The following SDR42E2 variants were observed in gnomAD, a reference collection of about 807,000 sequenced individuals.
SDR42E2 encodes the protein putative short-chain dehydrogenase/reductase family 42E member 2.
A neutral mutation model predicts 10.5 loss-of-function variants in SDR42E2; 20 were observed. The observed-to-expected ratio is 1.90, with a 90% CI of 1.34 to 2.77. The LOEUF (loss-of-function observed/expected upper bound fraction) is 2.77. SDR42E2 is among the 30% of genes most tolerant of loss of function. The pLI is 0.00. For missense variants in SDR42E2, 162 were observed against 104.2 expected (o/e 1.55, Z -2.42); for synonymous variants, 72 against 39.2 (o/e 1.84, Z -3.12).
intron 7 of SDR42E2, among the ~76,000 whole-genome samples, chr16:22,173,301 C>G (rs1012418751): frequency 6.6e-6 from 1 of 152,120 alleles, no homozygotes; most frequent in African/African-American, 2.4e-5. Context: ...CTCACTGCAA[C>G]CTCTGCCTCC....
chr16:22,176,088 T>A (rs1045908878), intron 7 of SDR42E2, among the ~76,000 whole-genome samples: 4 of 152,160 alleles, frequency 2.6e-5, no homozygotes, highest in African/African-American at 9.7e-5. Flanking sequence ...AATTAACAAC[T>A]ATTTATTGTG....
intron 12 of SDR42E2, among the ~76,000 whole-genome samples, chr16:22,189,268 G>C (rs1221206501): frequency 1.3e-5 from 2 of 152,180 alleles, no homozygotes; most frequent in African/African-American, 4.8e-5. Flanking sequence ...TTCTTCCCCA[G>C]GGTCCGGCTG....
At chr16:22,166,530 C>T (rs2046541769) in intron 3 of SDR42E2, 96 bp downstream of exon 3, 2 of 402,304 alleles carry the variant, frequency 5.0e-6, no homozygotes, top group South Asian at 1.3e-4. Context: ...TAGGGGCACA[C>T]TGTTTGAAGC....
At chr16:22,163,239 C>T (rs2046510574) in intron 1 of SDR42E2, among the ~76,000 whole-genome samples, 1 of 152,192 alleles carries the variant, frequency 6.6e-6, no homozygotes, top group Non-Finnish European at 1.5e-5. Context: ...GCCTTTGCCA[C>T]AAAAGGCATC....
chr16:22,174,672 CT>C (rs2046629780), intron 7 of SDR42E2, among the ~76,000 whole-genome samples: 1 of 151,992 alleles, frequency 6.6e-6, no homozygotes, highest in African/African-American at 2.4e-5. Context: ...TTTTCTCTAC[CT>C]GGGGCCTCTG....
rs191786425 is a variant in SDR42E2, at chr16:22,166,415, C to T, written c.221C>T (p.Pro74Leu). 408 of 402,312 alleles carry T rather than the reference C, an allele frequency of 1.0e-3. 2 individuals are homozygous for T. In the East Asian group the frequency reaches 0.012, roughly 12 times the overall value. The allele number at this position is 402,312 out of a possible 1,614,324, so 24.9% of individuals were successfully genotyped here. ...DRRRPQWELS[P>L]ETKFIQADVR... ...CGCAGACCCCAGTGGGAACTGTCCC[C>T]GGAAACCAAGTTCATCCAGGTACAA... Residue 74 changes from proline to leucine, a missense_variant, in exon 3 of 13, where the codon CCG (proline) becomes CTG (leucine). By Grantham distance (98) the Pro-to-Leu change is moderately conservative. Coordinates refer to ENST00000602312, the MANE Select transcript of SDR42E2 (RefSeq NM_001394319.2).
At chr16:22,169,618 C>T (rs2046577126) in intron 5 of SDR42E2, 116 bp downstream of exon 5, 1 of 690,572 alleles carries the variant, frequency 1.4e-6, no homozygotes, top group African/African-American at 1.7e-5. Flanking sequence ...GGCAGCGCAT[C>T]CTTCGTGCAC....
rs1210570962 is a variant in SDR42E2, at chr16:22,184,262, C to T, written c.940+18C>T. On this transcript the variant is annotated intron_variant, in intron 11 of 12. Transcript: ENST00000602312. ...CCTGACAGGTAAGGAAAGGAGTGTG[C>T]GTAGTAAAGCCCTCCATGTGCCAGG... The T allele has an allele frequency of 1.0e-5, 4 of 400,940 alleles. No homozygotes were observed. The highest frequency in any genetic ancestry group is 1.8e-5 in the Non-Finnish European group (4 of 226,146). The allele number at this position is 400,940 out of a possible 1,614,324, so 24.8% of individuals were successfully genotyped here.
intron 10 of SDR42E2, 81 bp downstream of exon 10, chr16:22,182,358 A>AT: frequency 2.5e-6 from 1 of 396,006 alleles, no homozygotes; most frequent in Non-Finnish European, 4.5e-6. Flanking sequence ...TTTTTTTTTA[A>AT]TTTTTTGAGA....
At chr16:22,168,149 C>T (rs955240418) in intron 4 of SDR42E2, among the ~76,000 whole-genome samples, 1 of 152,080 alleles carries the variant, frequency 6.6e-6, no homozygotes, top group Non-Finnish European at 1.5e-5. Flanking sequence ...AATCCCAGCA[C>T]TTTGGGAGGC....
Position 22,165,628 on chromosome 16 carries a change from G to T in SDR42E2, c.46G>T (p.Ala16Ser), listed in dbSNP as rs1049108465. 2.5e-6 allele frequency: 1 copy of T among 401,552 alleles called. No individual in the cohort carries two copies. Among genetic ancestry groups the T allele is most frequent in the Non-Finnish European group, 4.4e-6 (1 of 226,514 alleles). 24.9% of individuals were successfully genotyped at this position (401,552 alleles called of 1,614,324 possible). A position where few individuals can be genotyped will look rare whatever the true frequency, so the allele number is the denominator to read the frequency against. Residue 16 changes from alanine (A) to serine (S), a missense_variant, in exon 2 of 13, where the codon GCA becomes TCA. By Grantham distance (99) the Ala-to-Ser change is moderately conservative. Coordinates refer to ENST00000602312, the MANE Select transcript of SDR42E2 (RefSeq NM_001394319.2). ...CTCCTCCCTAGAGGCCTGCAAAGCT[G>T]CAGGCCAGGGTGAGAAGAGCTGCCC... ...PRSSLEACKA[A>S]GQAPQQKTQA...
At chr16:22,170,690 G>T (rs2046590784) in intron 5 of SDR42E2, 143 bp from the exon 6 acceptor site, 1 of 647,588 alleles carries the variant, frequency 1.5e-6, no homozygotes, top group East Asian at 2.8e-5. Context: ...GGTCCTGGGG[G>T]TCCAAGTTGT....
At chr16:22,171,474 G>A (rs552800159) in intron 6 of SDR42E2, among the ~76,000 whole-genome samples, 7 of 151,932 alleles carry the variant, frequency 4.6e-5, no homozygotes, top group East Asian at 1.9e-4. Context: ...TCTTGACCTC[G>A]TGATCTGCCA....
intron 8 of SDR42E2, among the ~76,000 whole-genome samples, chr16:22,180,664 C>T (rs2046684997): frequency 6.6e-6 from 1 of 152,120 alleles, no homozygotes; most frequent in Non-Finnish European, 1.5e-5. Flanking sequence ...CCACTGAACT[C>T]TAGTGTGGGC....
chr16:22,187,511 G>A (rs558929924), intron 12 of SDR42E2, among the ~76,000 whole-genome samples: 7 of 151,850 alleles, frequency 4.6e-5, no homozygotes, highest in Non-Finnish European at 8.8e-5. Flanking sequence ...CAGCTCAGGT[G>A]GGGGATTACT....
rs2142086471 is a variant in SDR42E2, at chr16:22,190,551, A to C, written c.*158A>C. 1 of 395,484 alleles carries C rather than the reference A, an allele frequency of 2.5e-6. No homozygotes were observed. Among genetic ancestry groups the C allele is most frequent in the African/African-American group, 2.1e-5 (1 of 47,022 alleles). The allele number at this position is 395,484 out of a possible 1,614,324, so 24.5% of individuals were successfully genotyped here. A position where few individuals can be genotyped will look rare whatever the true frequency, so the allele number is the denominator to read the frequency against. Reference sequence around the variant, plus strand: ...GTCACGCCCCCGAGCCGCTCTCCAGACCTAGCCCGGACCGCCGACTTCTGG... The same window carrying C: ...GTCACGCCCCCGAGCCGCTCTCCAGCCCTAGCCCGGACCGCCGACTTCTGG... On this transcript the variant is annotated 3_prime_UTR_variant, in exon 13 of 13. Coordinates refer to ENST00000602312, the MANE Select transcript of SDR42E2 (RefSeq NM_001394319.2).
rs2046545464 is a variant in SDR42E2, at chr16:22,166,908, A to G, written c.245A>G (p.Asp82Gly). Residue 82 changes from aspartate (D) to glycine (G), a missense_variant, in exon 4 of 13, where the codon GAT becomes GGT. Transcript: ENST00000602312. ...LSPETKFIQA[D>G]VRDEEALYRA... ...TCTCTTCTTCCTCTGGTGCAGGCTG[A>G]TGTCCGAGATGAAGAAGCCCTGTAC... 2 of 671,486 alleles carry G rather than the reference A, an allele frequency of 3.0e-6. No individual in the cohort carries two copies. The highest frequency in any genetic ancestry group is 5.5e-6 in the Non-Finnish European group (2 of 362,452). 41.6% of individuals were successfully genotyped at this position (671,486 alleles called of 1,614,324 possible). A position where few individuals can be genotyped will look rare whatever the true frequency, so the allele number is the denominator to read the frequency against.
chr16:22,172,163 C>A, intron 6 of SDR42E2, 93 bp from the exon 7 acceptor site: 1 of 691,628 alleles, frequency 1.4e-6, no homozygotes, highest in Non-Finnish European at 2.6e-6. Context: ...CAGTGGGAGT[C>A]CCCAGGGAAG....
intron 8 of SDR42E2, among the ~76,000 whole-genome samples, chr16:22,178,889 G>T (rs1291269329): frequency 6.6e-6 from 1 of 152,184 alleles, no homozygotes. Context: ...GCAGCAAGAG[G>T]TCCCTGTGGC....
Sources: gnomAD v4.1 joint callset for allele counts (sites outside exome capture counted in the v4.1 genomes callset) on GRCh38, gnomAD v4.1.1 for gene constraint, MANE v1.5 for transcripts, NCBI Gene and HGNC (gene_info 2026-07-23, HGNC 2026-07-21) for gene names.